GLRA2: variants seen among roughly 807,000 people sequenced by gnomAD.
The protein encoded by GLRA2 is glycine receptor subunit alpha-2.
In GLRA2, 11 loss-of-function variants were observed where a neutral mutation model predicts 31.6. The observed-to-expected ratio is 0.35, with a 90% confidence interval of 0.22 to 0.58. The LOEUF (loss-of-function observed/expected upper bound fraction) is 0.58, where lower values mean the gene tolerates loss of function less well. Among genes scored for constraint, GLRA2 ranks in the 20% least tolerant of loss-of-function variants. The pLI, the probability that GLRA2 is intolerant of heterozygous loss-of-function variation, is 0.84. For missense variants in GLRA2, 212 were observed against 351.8 expected (o/e 0.60, Z 3.18); for synonymous variants, 132 against 134.0 (o/e 0.99, Z 0.10).
At chrX:14,550,030 T>C (rs1222777592) in intron 2 of GLRA2, among the ~76,000 whole-genome samples, 1 of 110,411 alleles carries the variant, frequency 9.1e-6, no homozygotes, top group African/African-American at 3.3e-5. Context: ...GCAGGAATGT[T>C]GAGTAGAAAG....
At position 14,666,090 on chromosome X, in the gene GLRA2, G is replaced by A. The variant is rs182141095; in HGVS notation, c.931-24620G>A. On this transcript the variant is annotated intron_variant, in intron 7 of 8. Transcript: ENST00000218075. ...TGTTCACAGTGACAATGTGCTTCATGTGAGAGAAAATCAGGCAAAATGATA... is the reference window on the plus strand; with the variant it reads ...TGTTCACAGTGACAATGTGCTTCATATGAGAGAAAATCAGGCAAAATGATA... Among the ~76,000 whole-genome samples the A allele has an allele frequency of 3.3e-3, 366 of 112,148 alleles. 1 individual carries two copies. Among genetic ancestry groups the A allele is most frequent in the African/African-American group, 0.011 (352 of 30,939 alleles).
intron 8 of GLRA2, among the ~76,000 whole-genome samples, chrX:14,698,270 T>A (rs2091477984): frequency 8.9e-6 from 1 of 111,915 alleles, no homozygotes; most frequent in Admixed American, 9.5e-5. Context: ...ATTTTGCCCC[T>A]GAGGCCTCAC....
intron 4 of GLRA2, among the ~76,000 whole-genome samples, chrX:14,584,600 T>C (rs892710586): frequency 8.9e-6 from 1 of 112,248 alleles, no homozygotes; most frequent in African/African-American, 3.2e-5. Context: ...TGCTCATTTG[T>C]AAAAAGCGGC....
At chrX:14,689,377 G>A (rs2091318129) in intron 7 of GLRA2, among the ~76,000 whole-genome samples, 1 of 112,435 alleles carries the variant, frequency 8.9e-6, no homozygotes, top group Non-Finnish European at 1.9e-5. Context: ...CATTAGGCAA[G>A]CATTAGAAAT....
At chrX:14,661,559 T>G (rs779710168) in intron 7 of GLRA2, among the ~76,000 whole-genome samples, 2 of 111,856 alleles carry the variant, frequency 1.8e-5, no homozygotes, top group Non-Finnish European at 1.9e-5. Flanking sequence ...AGTAGATAAC[T>G]TTATTATAGC....
At chrX:14,522,549 G>A in the GLRA2 span, among the ~76,000 whole-genome samples, 1 of 111,913 alleles carries the variant, frequency 8.9e-6, no homozygotes, top group Non-Finnish European at 1.9e-5. Flanking sequence ...ACTTTTCCCA[G>A]CTCCATTAGA....
the GLRA2 span, among the ~76,000 whole-genome samples, chrX:14,453,287 G>T: frequency 9.0e-6 from 1 of 111,373 alleles, no homozygotes; most frequent in East Asian, 2.8e-4. Context: ...AATGTGTGAA[G>T]ACATGTTTGA....
intron 7 of GLRA2, among the ~76,000 whole-genome samples, chrX:14,681,424 CATCCACCATGTATTT>C (rs1383190526): frequency 9.0e-6 from 1 of 111,216 alleles, no homozygotes; most frequent in Non-Finnish European, 1.9e-5. Flanking sequence ...ATCATAGATC[CATCCACCATGTATTT>C]ATCCACCAAT....
At position 14,557,276 on chromosome X, in the gene GLRA2, C is replaced by T. The variant is rs1433146398; in HGVS notation, c.203-17057C>T. Among the ~76,000 whole-genome samples the T allele has an allele frequency of 2.1e-4, 23 of 107,936 alleles. No individual in the cohort carries two copies. The South Asian group carries it at 6.3e-3, about 30-fold the overall frequency. 93.7% of individuals were successfully genotyped at this position (107,936 alleles called of 115,157 possible). Reference sequence around the variant, plus strand: ...GACTACAGGCGCCCACCACCACGCCCGGCTAATTTTTTGTATTTTTAGTAG... The same window carrying T: ...GACTACAGGCGCCCACCACCACGCCTGGCTAATTTTTTGTATTTTTAGTAG... On this transcript the variant is annotated intron_variant, in intron 2 of 8. Coordinates refer to ENST00000218075, the MANE Select transcript of GLRA2 (RefSeq NM_002063.4).
At chrX:14,659,118 C>T (rs1003598853) in intron 7 of GLRA2, among the ~76,000 whole-genome samples, 5 of 112,347 alleles carry the variant, frequency 4.5e-5, no homozygotes, top group African/African-American at 1.6e-4. Flanking sequence ...CAGCCCACTA[C>T]CTGTTTTTGC....
intron 4 of GLRA2, among the ~76,000 whole-genome samples, chrX:14,585,806 G>C (rs2090074658): frequency 8.9e-6 from 1 of 112,064 alleles, no homozygotes; most frequent in African/African-American, 3.2e-5. Flanking sequence ...GAAGGGGCTA[G>C]AAGTACCAAA....
intron 3 of GLRA2, among the ~76,000 whole-genome samples, chrX:14,576,837 A>G (rs1224457179): frequency 8.9e-6 from 1 of 112,579 alleles, no homozygotes; most frequent in African/African-American, 3.2e-5. Flanking sequence ...CAGCCTGTCT[A>G]TTCTGCTGTA....
chrX:14,611,257 A>C (rs924106061), intron 7 of GLRA2, among the ~76,000 whole-genome samples: 2 of 113,049 alleles, frequency 1.8e-5, no homozygotes, highest in Non-Finnish European at 3.8e-5. Flanking sequence ...TGGTGATTGT[A>C]CATTTACTTC....
chrX:14,613,680 C>T (rs2090425963), intron 7 of GLRA2, among the ~76,000 whole-genome samples: 1 of 111,026 alleles, frequency 9.0e-6, no homozygotes, highest in South Asian at 3.8e-4. Flanking sequence ...GGAACCAATC[C>T]CCTGTGGATA....
chrX:14,704,553 T>A (rs2091593069), intron 8 of GLRA2, among the ~76,000 whole-genome samples: 1 of 112,281 alleles, frequency 8.9e-6, no homozygotes, highest in African/African-American at 3.2e-5. Flanking sequence ...TCTCTATCAC[T>A]GTTATTCTTG....
At chrX:14,460,409 C>T in the GLRA2 span, among the ~76,000 whole-genome samples, 1 of 111,903 alleles carries the variant, frequency 8.9e-6, no homozygotes, top group East Asian at 2.8e-4. Flanking sequence ...GGAGGATTCC[C>T]TCTTTTTCTA....
At chrX:14,661,343 A>G (rs957200995) in intron 7 of GLRA2, among the ~76,000 whole-genome samples, 1 of 112,070 alleles carries the variant, frequency 8.9e-6, no homozygotes, top group Non-Finnish European at 1.9e-5. Flanking sequence ...TTGTAGGAAG[A>G]GATAATACAT....
At chrX:14,605,718 G>T (rs2147093170) in intron 5 of GLRA2, among the ~76,000 whole-genome samples, 1 of 111,854 alleles carries the variant, frequency 8.9e-6, no homozygotes, top group South Asian at 3.7e-4. Context: ...TGGATGTGAA[G>T]GGTGGGAATT....
At chrX:14,493,417 C>T in the GLRA2 span, among the ~76,000 whole-genome samples, 1 of 107,365 alleles carries the variant, frequency 9.3e-6, no homozygotes, top group African/African-American at 3.4e-5. Context: ...TCTAAAAAGG[C>T]TACATTCACA....
Sources: allele counts gnomAD v4.1 joint callset (sites outside exome capture counted in the v4.1 genomes callset), GRCh38; gene constraint gnomAD v4.1.1; transcripts MANE v1.5; gene names NCBI Gene and HGNC (gene_info 2026-07-23, HGNC 2026-07-21).